KIAA1328: variants seen among roughly 807,000 people sequenced by gnomAD.
The protein encoded by KIAA1328 is KIAA1328.
In KIAA1328, 52 loss-of-function variants were observed where a neutral mutation model predicts 68.1. That is an observed-to-expected ratio of 0.76 (90% CI 0.61 to 0.96). The LOEUF (loss-of-function observed/expected upper bound fraction) is 0.96, where lower values mean the gene tolerates loss of function less well. KIAA1328 is among the 40% of genes least tolerant of loss of function. KIAA1328 has a pLI of 0.00. For synonymous variants in KIAA1328, 232 were observed against 239.4 expected (o/e 0.97, Z 0.28); for missense variants, 641 against 677.6 (o/e 0.95, Z 0.60).
At chr18:36,953,995 C>CTTTTTTTTTTTTTTTTTT (rs71168249) in intron 5 of KIAA1328, among the ~76,000 whole-genome samples, 3 of 113,548 alleles carry the variant, frequency 2.6e-5, no homozygotes, top group Non-Finnish European at 5.2e-5. Flanking sequence ...CTGATTGTTT[C>CTTTTTTTTTTTTTTTTTT]TTTTTTTTTT....
At chr18:36,881,356 A>G (rs531277680) in intron 4 of KIAA1328, among the ~76,000 whole-genome samples, 44 of 152,168 alleles carry the variant, frequency 2.9e-4, no homozygotes, top group African/African-American at 9.6e-4. Flanking sequence ...TTAATATCGA[A>G]TCTACCCTAT....
chr18:37,105,550 T>G (rs897277031), intron 7 of KIAA1328, among the ~76,000 whole-genome samples: 11 of 150,852 alleles, frequency 7.3e-5, no homozygotes, highest in Non-Finnish European at 5.9e-5. Flanking sequence ...GTATTTGCTA[T>G]TAATTGAATG....
At chr18:36,855,263 A>G (rs2047345689) in intron 4 of KIAA1328, among the ~76,000 whole-genome samples, 1 of 152,170 alleles carries the variant, frequency 6.6e-6, no homozygotes, top group Non-Finnish European at 1.5e-5. Context: ...GTGTTTTAAT[A>G]TTTCTACCAT....
chr18:36,862,684 C>T (rs1192084503), intron 4 of KIAA1328, among the ~76,000 whole-genome samples: 1 of 152,144 alleles, frequency 6.6e-6, no homozygotes, highest in African/African-American at 2.4e-5. Flanking sequence ...TTTGTGTGAA[C>T]ATCACATTTT....
chr18:37,225,284 G>T lies in KIAA1328; in HGVS notation c.*3057G>T. 1.0e-6 allele frequency: 1 copy of T among 985,398 alleles called. No individual in the cohort carries two copies. The highest frequency in any genetic ancestry group is 1.2e-6 in the Non-Finnish European group (1 of 829,922). 61.0% of individuals were successfully genotyped at this position (985,398 alleles called of 1,614,324 possible). A position where few individuals can be genotyped will look rare whatever the true frequency, so the allele number is the denominator to read the frequency against. On this transcript the variant is annotated 3_prime_UTR_variant, in exon 10 of 10. Coordinates refer to ENST00000280020, the MANE Select transcript of KIAA1328 (RefSeq NM_020776.3). ...ATTTTGAATATGAGCAAATGTTTAT[G>T]TACGTATGAGATTTCAAGTTAATAA...
intron 5 of KIAA1328, among the ~76,000 whole-genome samples, chr18:36,940,681 T>G (rs896792193): frequency 1.3e-5 from 2 of 149,606 alleles, no homozygotes; most frequent in African/African-American, 2.4e-5. Context: ...TTACTTTTTT[T>G]TTTTTTTTTT....
intron 6 of KIAA1328, chr18:37,063,693 ACC>A: frequency 1.0e-6 from 1 of 984,770 alleles, no homozygotes; most frequent in Non-Finnish European, 1.2e-6. Flanking sequence ...AAGCTGTACT[ACC>A]TCTCAAAAAC....
chr18:37,067,290 A>C lies in KIAA1328; in HGVS notation c.977A>C (p.Gln326Pro), dbSNP rs199661890. The C allele has an allele frequency of 1.6e-4, 251 of 1,613,996 alleles. No individual in the cohort carries two copies. In the African/African-American group the frequency reaches 2.8e-3, roughly 18 times the overall value. The change falls in exon 7 of 10, where the codon CAA becomes CCA. Residue 326 changes from glutamine to proline, a missense_variant. Physicochemically the swap from Gln to Pro is moderately conservative, Grantham distance 76 (BLOSUM62 -1). Transcript: ENST00000280020. ...AGCCATCCTACAAACATGACCCCTC[A>C]ACATCCTAAGACACATCCAGAATCA... ...HDSHPTNMTP[Q>P]HPKTHPESCS...
At chr18:36,914,977 G>A (rs2049626925) in intron 5 of KIAA1328, among the ~76,000 whole-genome samples, 2 of 152,176 alleles carry the variant, frequency 1.3e-5, no homozygotes, top group Admixed American at 1.3e-4. Flanking sequence ...AATTATCCTG[G>A]ATTGGTAAGG....
At chr18:37,185,199 G>A (rs2059772999) in intron 9 of KIAA1328, among the ~76,000 whole-genome samples, 1 of 151,824 alleles carries the variant, frequency 6.6e-6, no homozygotes, top group Non-Finnish European at 1.5e-5. Context: ...GTTTTGTGCT[G>A]GTCAGTAGTT....
At chr18:37,083,905 C>T (rs1365776756) in intron 7 of KIAA1328, among the ~76,000 whole-genome samples, 3 of 152,160 alleles carry the variant, frequency 2.0e-5, no homozygotes, top group Non-Finnish European at 4.4e-5. Flanking sequence ...TTCTAACCAA[C>T]TTAATCTTCC....
intron 6 of KIAA1328, among the ~76,000 whole-genome samples, chr18:36,982,775 T>C (rs925392738): frequency 6.6e-6 from 1 of 152,018 alleles, no homozygotes; most frequent in African/African-American, 2.4e-5. Context: ...AATGCCTCTT[T>C]AAAGGAAGTA....
intron 7 of KIAA1328, among the ~76,000 whole-genome samples, chr18:37,099,133 C>T (rs1384478867): frequency 6.6e-6 from 1 of 152,130 alleles, no homozygotes; most frequent in Non-Finnish European, 1.5e-5. Flanking sequence ...AATGTGTTTG[C>T]TCTTGCTTCT....
chr18:37,068,861 C>T (rs2056432743), intron 7 of KIAA1328, among the ~76,000 whole-genome samples: 1 of 151,902 alleles, frequency 6.6e-6, no homozygotes, highest in African/African-American at 2.4e-5. Context: ...AAATAATTAT[C>T]CCACCTCAGC....
intron 7 of KIAA1328, among the ~76,000 whole-genome samples, chr18:37,124,661 C>G (rs2058350064): frequency 6.6e-6 from 1 of 152,108 alleles, no homozygotes; most frequent in South Asian, 2.1e-4. Flanking sequence ...GTTTACAAGT[C>G]CATACATGTT....
intron 5 of KIAA1328, among the ~76,000 whole-genome samples, chr18:36,890,603 A>G (rs1168637124): frequency 6.6e-6 from 1 of 152,098 alleles, no homozygotes; most frequent in Non-Finnish European, 1.5e-5. Flanking sequence ...CCTGGGAGGC[A>G]GAGGTTGCAG....
chr18:37,061,714 C>T (rs1413016032), intron 6 of KIAA1328, among the ~76,000 whole-genome samples: 1 of 152,198 alleles, frequency 6.6e-6, no homozygotes, highest in Non-Finnish European at 1.5e-5. Context: ...AAGGCAACAT[C>T]TGTCTTCAAC....
chr18:36,835,390 TC>T lies in KIAA1328; in HGVS notation c.237+15del, dbSNP rs1270012136. On this transcript the variant is annotated intron_variant, in intron 3 of 9. Transcript: ENST00000280020. ...GTAGATGAACAGGTTAGTATTTTTT[TC>T]GTCTTTTTTTTTCCTTGCTCTCCAG... 6.2e-7 allele frequency: 1 copy of T among 1,600,762 alleles called. No individual in the cohort carries two copies. The highest frequency in any genetic ancestry group is 2.2e-5 in the East Asian group (1 of 44,730).
At chr18:36,894,250 T>G (rs973343155) in intron 5 of KIAA1328, among the ~76,000 whole-genome samples, 1 of 152,198 alleles carries the variant, frequency 6.6e-6, no homozygotes, top group African/African-American at 2.4e-5. Flanking sequence ...TTATGGTGCT[T>G]TTTATCCAAA....
Sources: gnomAD v4.1 joint callset for allele counts (sites outside exome capture counted in the v4.1 genomes callset) on GRCh38, gnomAD v4.1.1 for gene constraint, MANE v1.5 for transcripts, NCBI Gene and HGNC (gene_info 2026-07-23, HGNC 2026-07-21) for gene names.